Variants in PACRG observed in about 807,000 individuals in gnomAD.
PACRG encodes the protein parkin coregulated, also known as parkin coregulated gene protein.
Under a neutral mutation model 29.7 loss-of-function variants are expected in PACRG, and 29 were observed. That is an observed-to-expected ratio of 0.98 (90% CI 0.73 to 1.33). PACRG has a LOEUF of 1.33. Ranked by LOEUF, PACRG falls within the 40% of genes most tolerant of loss-of-function variation. PACRG has a pLI of 0.00. For missense variants in PACRG, 279 were observed against 316.2 expected (o/e 0.88, Z 0.89); for synonymous variants, 116 against 118.7 (o/e 0.98, Z 0.15).
chr6:163,160,715 C>G (rs1179973917), intron 4 of PACRG, among the ~76,000 whole-genome samples: 1 of 152,132 alleles, frequency 6.6e-6, no homozygotes. Flanking sequence ...GTTTTCCTTC[C>G]AATTTTCCAA....
At chr6:162,804,273 G>T (rs1584407766) in intron 1 of PACRG, among the ~76,000 whole-genome samples, 1 of 152,116 alleles carries the variant, frequency 6.6e-6, no homozygotes, top group African/African-American at 2.4e-5. Context: ...TTGTAGTCTT[G>T]AAATCTAAAT....
chr6:163,273,074 T>C (rs1005743649), intron 4 of PACRG, among the ~76,000 whole-genome samples: 2 of 148,908 alleles, frequency 1.3e-5, no homozygotes, highest in Non-Finnish European at 2.9e-5. Flanking sequence ...TGTATTTTTT[T>C]AGTAGAGACG....
chr6:163,206,256 G>A lies in PACRG; in HGVS notation c.614-108571G>A, dbSNP rs533647671. ...AAATCATTTTACCATAAAGACACGT[G>A]CACGTGTATATTCATGACAACACTC... On this transcript the variant is annotated intron_variant, in intron 4 of 4. Transcript: ENST00000366888. 1.5e-4 allele frequency among the ~76,000 whole-genome samples: 23 copies of A among 152,182 alleles called. 1 individual carries two copies. Among genetic ancestry groups the A allele is most frequent in the African/African-American group, 4.8e-4 (20 of 41,512 alleles).
intron 4 of PACRG, among the ~76,000 whole-genome samples, chr6:163,204,688 A>C (rs1262870116): frequency 6.6e-6 from 1 of 152,178 alleles, no homozygotes; most frequent in Non-Finnish European, 1.5e-5. Flanking sequence ...CCCCATGGAG[A>C]GGCAATGGGA....
chr6:162,764,103 G>A (rs755622192), intron 1 of PACRG, among the ~76,000 whole-genome samples: 8 of 152,018 alleles, frequency 5.3e-5, no homozygotes, highest in African/African-American at 1.2e-4. Context: ...GTGAAACCCC[G>A]TCTCTACTAA....
chr6:163,083,511 A>G (rs911461286), intron 3 of PACRG, among the ~76,000 whole-genome samples: 3 of 152,164 alleles, frequency 2.0e-5, no homozygotes, highest in African/African-American at 7.2e-5. Context: ...ACATGTCAGG[A>G]CGTCCTGAGG....
chr6:163,006,736 T>C (rs1213795444), intron 2 of PACRG, among the ~76,000 whole-genome samples: 1 of 152,042 alleles, frequency 6.6e-6, no homozygotes. Context: ...AAAACTACTT[T>C]GTTGACATTA....
intron 4 of PACRG, among the ~76,000 whole-genome samples, chr6:163,116,184 C>T (rs951441630): frequency 6.6e-6 from 1 of 152,198 alleles, no homozygotes; most frequent in African/African-American, 2.4e-5. Flanking sequence ...TGCTCCTGGG[C>T]TTCTGCCTCA....
chr6:162,947,253 TC>T (rs1799085990), intron 2 of PACRG, among the ~76,000 whole-genome samples: 1 of 143,436 alleles, frequency 7.0e-6, no homozygotes, highest in African/African-American at 2.6e-5. Context: ...TAAACATATA[TC>T]ATATATAATC....
chr6:163,176,142 C>T (rs1206853665), intron 4 of PACRG, among the ~76,000 whole-genome samples: 1 of 152,198 alleles, frequency 6.6e-6, no homozygotes. Flanking sequence ...GTGGGGGTTT[C>T]TTCTATAGTC....
At chr6:162,779,352 C>G (rs1457272474) in intron 1 of PACRG, among the ~76,000 whole-genome samples, 1 of 152,176 alleles carries the variant, frequency 6.6e-6, no homozygotes, top group African/African-American at 2.4e-5. Context: ...AATATTTCTA[C>G]TTCTTGAAGG....
intron 2 of PACRG, among the ~76,000 whole-genome samples, chr6:162,971,954 G>T (rs1801566419): frequency 6.6e-6 from 1 of 152,122 alleles, no homozygotes; most frequent in Non-Finnish European, 1.5e-5. Context: ...CACGGCGCTC[G>T]CAGTTTTCTC....
intron 1 of PACRG, among the ~76,000 whole-genome samples, chr6:162,813,383 A>G (rs1172754904): frequency 6.6e-6 from 1 of 152,054 alleles, no homozygotes; most frequent in Non-Finnish European, 1.5e-5. Flanking sequence ...TAAATAGTTT[A>G]CTTACTACTT....
At chr6:162,769,508 C>T (rs1348446850) in intron 1 of PACRG, among the ~76,000 whole-genome samples, 1 of 151,970 alleles carries the variant, frequency 6.6e-6, no homozygotes, top group Non-Finnish European at 1.5e-5. Flanking sequence ...GCTTTTTAAA[C>T]CTACCTTGAT....
chr6:162,826,688 C>A (rs980853412), intron 2 of PACRG, among the ~76,000 whole-genome samples: 1 of 152,092 alleles, frequency 6.6e-6, no homozygotes, highest in African/African-American at 2.4e-5. Context: ...GTCTCGAACT[C>A]CTGACCTCAG....
At chr6:163,284,676 T>C (rs9458774) in intron 4 of PACRG, among the ~76,000 whole-genome samples, 107,991 of 151,958 alleles carry the variant, frequency 0.71, 39,075 homozygotes, top group African/African-American at 0.86. Flanking sequence ...ATTTGAGTTC[T>C]GGATGTCCAG....
chr6:163,090,444 T>C (rs545962229), intron 4 of PACRG: 2 of 152,290 alleles, frequency 1.3e-5, no homozygotes, highest in East Asian at 3.9e-4. Flanking sequence ...AATGGAGTGC[T>C]TGCAATGGTA....
At chr6:163,035,989 G>T (rs148430616) in intron 2 of PACRG, among the ~76,000 whole-genome samples, 1 of 152,026 alleles carries the variant, frequency 6.6e-6, no homozygotes. Context: ...GAAATACTTG[G>T]TTTCTACTCT....
intron 4 of PACRG, among the ~76,000 whole-genome samples, chr6:163,284,248 A>C (rs1784315716): frequency 1.3e-5 from 2 of 152,254 alleles, no homozygotes; most frequent in South Asian, 4.1e-4. Flanking sequence ...ATCCTGCATA[A>C]AAACAAGCCA....
Sources: gnomAD v4.1 joint callset for allele counts (sites outside exome capture counted in the v4.1 genomes callset) on GRCh38, gnomAD v4.1.1 for gene constraint, MANE v1.5 for transcripts, NCBI Gene and HGNC (gene_info 2026-07-23, HGNC 2026-07-21) for gene names.